The following ZNF333 variants were observed in gnomAD, a reference collection of about 807,000 sequenced individuals.
ZNF333 encodes zinc finger protein 333.
ZNF333 carries 61 observed loss-of-function variants against 76.1 expected under a neutral mutation model. The observed-to-expected ratio is 0.80, with a 90% CI of 0.65 to 0.99. ZNF333 has a LOEUF of 0.99. Ranked by LOEUF, ZNF333 falls within the 50% of genes least tolerant of loss-of-function variation. The pLI is 0.00. For missense variants in ZNF333, 717 were observed against 822.4 expected (o/e 0.87, Z 1.57); for synonymous variants, 284 against 305.0 (o/e 0.93, Z 0.72).
rs1245251263 is a variant in ZNF333 at position 14,701,931 on chromosome 19, A to C, written c.306+2650A>C. 15 of 981,500 alleles carry C rather than the reference A, an allele frequency of 1.5e-5. No homozygotes were observed. The Admixed American group carries it at 5.5e-4, about 36-fold the overall frequency. The allele number at this position is 981,500 out of a possible 1,614,324, so 60.8% of individuals were successfully genotyped here. ...GGAGCTAGGAGTTGAACCCAGACCTAACCGCAGAGACCACAGTCTCAGCTG... is the reference window on the plus strand; with the variant it reads ...GGAGCTAGGAGTTGAACCCAGACCTCACCGCAGAGACCACAGTCTCAGCTG... On this transcript the variant is annotated intron_variant, in intron 5 of 11. Transcript: ENST00000292530.
rs772640689 is a variant in ZNF333, at chr19:14,705,093, A to C, written c.346A>C (p.Ile116Leu). The change falls in exon 6 of 12, where the codon ATA (isoleucine) becomes CTA (leucine). Residue 116 changes from isoleucine to leucine, a missense_variant. By Grantham distance (5) the Ile-to-Leu change is conservative. Transcript: ENST00000292530. Reference sequence around the variant, plus strand: ...CCTGAGGATGCAGCTGGTGCCCTCCATAGAAGAGAGGGAGACACCATTGAC... The same window carrying C: ...CCTGAGGATGCAGCTGGTGCCCTCCCTAGAAGAGAGGGAGACACCATTGAC... ...LFLRMQLVPS[I>L]EERETPLTRE... is the part of the protein sequence containing the mutation. 7.4e-6 allele frequency: 12 copies of C among 1,613,862 alleles called. No homozygotes were observed. The highest frequency in any genetic ancestry group is 1.0e-5 in the Non-Finnish European group (12 of 1,179,936).
At chr19:14,729,972 T>G (rs2042657344) in intron 11 of ZNF333, among the ~76,000 whole-genome samples, 1 of 152,196 alleles carries the variant, frequency 6.6e-6, no homozygotes, top group Non-Finnish European at 1.5e-5. Context: ...CTTTGTTGTC[T>G]TGAGAGAAAG....
intron 5 of ZNF333, among the ~76,000 whole-genome samples, chr19:14,701,263 G>T (rs1476313886): frequency 6.6e-6 from 1 of 152,092 alleles, no homozygotes. Flanking sequence ...TAGATATGGG[G>T]TCTTGTTCTG....
chr19:14,702,731 TAAAG>T (rs932977640), intron 5 of ZNF333, among the ~76,000 whole-genome samples: 1 of 152,154 alleles, frequency 6.6e-6, no homozygotes, highest in African/African-American at 2.4e-5. Context: ...ACCCTGCTGA[TAAAG>T]AGATACCCGA....
At chr19:14,698,621 C>T (rs1323110165) in intron 4 of ZNF333, among the ~76,000 whole-genome samples, 1 of 151,370 alleles carries the variant, frequency 6.6e-6, no homozygotes, top group Non-Finnish European at 1.5e-5. Context: ...GGGTGGATCA[C>T]AAGGTCAGGA....
chr19:14,715,997 T>G, intron 8 of ZNF333, 115 bp from the exon 9 acceptor site: 1 of 1,528,248 alleles, frequency 6.5e-7, no homozygotes, highest in South Asian at 1.3e-5. Flanking sequence ...CTCAGAACCC[T>G]GTCTGAAAGT....
intron 5 of ZNF333, 129 bp from the exon 6 acceptor site, chr19:14,704,925 G>A (rs1306762298): frequency 1.3e-6 from 1 of 756,878 alleles, no homozygotes; most frequent in Non-Finnish European, 2.1e-6. Flanking sequence ...TTATGGGCAT[G>A]AGCCACTGCA....
At chr19:14,709,566 A>G (rs2042219048) in intron 7 of ZNF333, among the ~76,000 whole-genome samples, 1 of 152,188 alleles carries the variant, frequency 6.6e-6, no homozygotes, top group South Asian at 2.1e-4. Context: ...TTGAAGCCCT[A>G]TTGTCTCCCC....
downstream of ZNF333, among the ~76,000 whole-genome samples, chr19:14,723,045 C>T (rs1303147751): frequency 6.6e-6 from 1 of 152,192 alleles, no homozygotes; most frequent in African/African-American, 2.4e-5. Context: ...CTTAGCCTCC[C>T]AAAGTGCTGG....
intron 11 of ZNF333, among the ~76,000 whole-genome samples, chr19:14,727,529 G>A (rs964802812): frequency 4.6e-5 from 7 of 152,106 alleles, no homozygotes; most frequent in Admixed American, 4.6e-4. Flanking sequence ...CTGATCTGGT[G>A]TGAACTACCA....
intron 10 of ZNF333, 129 bp downstream of exon 10, chr19:14,717,218 T>C (rs1190674984): frequency 1.0e-5 from 7 of 670,804 alleles, no homozygotes; most frequent in Non-Finnish European, 1.2e-5. Flanking sequence ...AGCTCCCTTA[T>C]TAAATGCCAC....
intron 7 of ZNF333, 71 bp from the exon 8 acceptor site, chr19:14,715,311 C>A: frequency 7.1e-7 from 1 of 1,400,578 alleles, no homozygotes; most frequent in Non-Finnish European, 1.0e-6. Flanking sequence ...CCAGGGTGGG[C>A]AGACTTGGGG....
Position 14,705,049 on chromosome 19 carries a change from G to A in ZNF333, c.307-5G>A, listed in dbSNP as rs761686147. 1.2e-6 allele frequency: 2 copies of A among 1,613,314 alleles called. No homozygotes were observed. Among genetic ancestry groups the A allele is most frequent in the Non-Finnish European group, 1.7e-6 (2 of 1,179,518 alleles). ...CCTGCTCAGCACCCTCTTGTCTTTT[G>A]CCAGGGGCCGGGGCTGTTCCTGAGG... is the stretch of plus-strand genomic sequence containing the variant. On this transcript the variant is annotated splice_polypyrimidine_tract_variant and splice_region_variant and intron_variant, in intron 5 of 11. Coordinates refer to ENST00000292530, the MANE Select transcript of ZNF333 (RefSeq NM_032433.4).
chr19:14,701,592 C>G (rs919684165), intron 5 of ZNF333: 1 of 985,292 alleles, frequency 1.0e-6, no homozygotes, highest in Non-Finnish European at 1.2e-6. Flanking sequence ...AGGTGGACCC[C>G]ATGTGAAGAA....
Position 14,719,283 on chromosome 19 carries a change from T to A in ZNF333, c.1956T>A (p.Pro652=). The A allele has an allele frequency of 6.2e-7, 1 of 1,614,074 alleles. No homozygotes were observed. The highest frequency in any genetic ancestry group is 8.5e-7 in the Non-Finnish European group (1 of 1,179,964). Residue 652 remains proline (P), a synonymous_variant, in exon 12 of 12, where the codon CCT becomes CCA. Transcript: ENST00000292530. ...GRETIRNGSL[P]LSMSHPYCGP... ...AGACCATTAGGAATGGCAGCCTGCC[T>A]TTATCCATGTCTCATCCATACTGTG...
intron 5 of ZNF333, among the ~76,000 whole-genome samples, chr19:14,700,660 C>T (rs2041929974): frequency 6.6e-6 from 1 of 152,136 alleles, no homozygotes; most frequent in Non-Finnish European, 1.5e-5. Context: ...ACAAGAGGAC[C>T]TTCCAAAGTT....
At chr19:14,691,614 G>A (rs769524884) in intron 1 of ZNF333, among the ~76,000 whole-genome samples, 17 of 150,500 alleles carry the variant, frequency 1.1e-4, no homozygotes, top group Admixed American at 2.0e-4. Flanking sequence ...GTGTGATTAT[G>A]TCTTATGAAA....
chr19:14,706,580 G>A, intron 6 of ZNF333, 106 bp from the exon 7 acceptor site: 1 of 846,372 alleles, frequency 1.2e-6, no homozygotes, highest in Non-Finnish European at 2.0e-6. Flanking sequence ...TTATTAATAT[G>A]TTCCCCAAAG....
At chr19:14,728,665 T>C (rs2042648777) in intron 11 of ZNF333, among the ~76,000 whole-genome samples, 1 of 152,080 alleles carries the variant, frequency 6.6e-6, no homozygotes, top group African/African-American at 2.4e-5. Context: ...ATGAAGAAAA[T>C]GGCAAAAACT....
Sources: allele counts gnomAD v4.1 joint callset (sites outside exome capture counted in the v4.1 genomes callset), GRCh38; gene constraint gnomAD v4.1.1; transcripts MANE v1.5; gene names NCBI Gene and HGNC (gene_info 2026-07-23, HGNC 2026-07-21).